The following MAP3K5 variants were observed in gnomAD, a reference collection of about 807,000 sequenced individuals.
MAP3K5 encodes the protein ASK-1.
Under a neutral mutation model 158.7 loss-of-function variants are expected in MAP3K5, and 56 were observed. That is an observed-to-expected ratio of 0.35 (90% confidence interval 0.28 to 0.44). The LOEUF (loss-of-function observed/expected upper bound fraction) is 0.44, where lower values mean the gene tolerates loss of function less well. Among genes scored for constraint, MAP3K5 ranks in the 20% least tolerant of loss-of-function variants. The probability of loss-of-function intolerance (pLI) is 1.00; values close to 1 mark genes in which losing one functional copy is unlikely to be tolerated. For missense variants in MAP3K5, 1,294 were observed against 1,674.8 expected, an observed-to-expected ratio of 0.77 and a Z score of 3.97; for synonymous variants, 579 against 601.7, an observed-to-expected ratio of 0.96 and a Z score of 0.55.
intron 2 of MAP3K5, among the ~76,000 whole-genome samples, chr6:136,707,560 G>C (rs12173453): frequency 4.1e-4 from 62 of 151,484 alleles, no homozygotes; most frequent in South Asian, 2.3e-3. Context: ...AGGTACTTGG[G>C]GGGGGGGGGA....
At chr6:136,563,866 T>C (rs1180714427) in intron 26 of MAP3K5, among the ~76,000 whole-genome samples, 4 of 152,232 alleles carry the variant, frequency 2.6e-5, no homozygotes, top group African/African-American at 9.6e-5. Context: ...TAACAAACTC[T>C]ATTTGTTTCA....
chr6:136,614,216 G>C lies in MAP3K5; in HGVS notation c.2221C>G (p.Leu741Val). 1 of 1,613,840 alleles carries C rather than the reference G, an allele frequency of 6.2e-7. No individual in the cohort carries two copies. The highest frequency in any genetic ancestry group is 8.5e-7 in the Non-Finnish European group (1 of 1,179,806). Reference sequence around the variant, plus strand: ...AAACCATTCTCACTGAAAGAGCCCAGATACTGGACAATATTTTTGTGCTTC... The same window carrying C: ...AAACCATTCTCACTGAAAGAGCCCACATACTGGACAATATTTTTGTGCTTC... Reference protein sequence around the residue: ...HLKHKNIVQYLGSFSENGFIK... With the variant: ...HLKHKNIVQYVGSFSENGFIK... Residue 741 changes from leucine (L) to valine (V), a missense_variant, in exon 16 of 30, where the codon CTG becomes GTG. Transcript: ENST00000359015.
intron 18 of MAP3K5, among the ~76,000 whole-genome samples, chr6:136,608,893 G>GCACCTGGGACTAACC (rs1217929288): frequency 6.6e-6 from 1 of 152,216 alleles, no homozygotes; most frequent in African/African-American, 2.4e-5. Context: ...TATTGACTGA[G>GCACCTGGGACTAACC]CACCTGGGAC....
At chr6:136,711,984 A>C (rs888353378) in intron 2 of MAP3K5, among the ~76,000 whole-genome samples, 2 of 152,078 alleles carry the variant, frequency 1.3e-5, no homozygotes, top group African/African-American at 4.8e-5. Flanking sequence ...TGTACCAAAA[A>C]TCAGGTTAAA....
At chr6:136,584,892 C>T (rs1052005304) in intron 23 of MAP3K5, among the ~76,000 whole-genome samples, 3 of 152,154 alleles carry the variant, frequency 2.0e-5, no homozygotes, top group African/African-American at 7.2e-5. Flanking sequence ...TGCGTGTCTA[C>T]CTATAACATG....
In MAP3K5 at chr6:136,609,820, C is replaced by A. The variant is rs1173733194; in HGVS notation, c.2521+1462G>T. On this transcript the variant is annotated intron_variant, in intron 18 of 29. Coordinates refer to ENST00000359015, the MANE Select transcript of MAP3K5 (RefSeq NM_005923.4). The surrounding 1 kb of genome is among the most constrained non-coding windows in gnomAD (Gnocchi z 4.4). ...AAAAGAAAAAACAAAAACAAAAAAA[C>A]AGTTTTGCCAGGCATGACATCCTAG... 1.3e-5 allele frequency among the ~76,000 whole-genome samples: 2 copies of A among 150,280 alleles called. No individual in the cohort carries two copies. Among genetic ancestry groups the A allele is most frequent in the Non-Finnish European group, 3.0e-5 (2 of 67,562 alleles).
rs115650189 is a variant in MAP3K5, at chr6:136,720,239, G to C, written c.588+211C>G. 7.0e-3 allele frequency among the ~76,000 whole-genome samples: 1,065 copies of C among 152,208 alleles called. 13 individuals are homozygous for C. The highest frequency in any genetic ancestry group is 0.024 in the African/African-American group (988 of 41,514). ...CCGCTACAACCATGACTGAAACTCA[G>C]AACTCAGTGTGAACTTTTTTCCTAC... On this transcript the variant is annotated intron_variant, in intron 2 of 29. Transcript: ENST00000359015.
At chr6:136,667,784 G>A (rs575993020) in intron 8 of MAP3K5, among the ~76,000 whole-genome samples, 3 of 151,638 alleles carry the variant, frequency 2.0e-5, no homozygotes, top group Non-Finnish European at 2.9e-5. Context: ...CTTGGGGGTC[G>A]AGGCTGCAGT....
intron 1 of MAP3K5, among the ~76,000 whole-genome samples, chr6:136,786,462 C>T (rs559232547): frequency 9.2e-5 from 14 of 151,566 alleles, no homozygotes; most frequent in African/African-American, 3.1e-4. Flanking sequence ...ATAGTATTGA[C>T]ATCTCTTAGC....
chr6:136,745,240 G>A (rs1782888015), intron 1 of MAP3K5, among the ~76,000 whole-genome samples: 1 of 147,564 alleles, frequency 6.8e-6, no homozygotes, highest in Non-Finnish European at 1.5e-5. Flanking sequence ...AATAGACGAA[G>A]ATGACTATTT....
At chr6:136,720,971 G>T (rs866500655) in intron 1 of MAP3K5, among the ~76,000 whole-genome samples, 1 of 152,036 alleles carries the variant, frequency 6.6e-6, no homozygotes, top group Non-Finnish European at 1.5e-5. Context: ...TAGAGACAGG[G>T]TCTTCCTATG....
intron 1 of MAP3K5, among the ~76,000 whole-genome samples, chr6:136,762,252 GGGAA>G (rs1470070434): frequency 6.6e-6 from 1 of 152,192 alleles, no homozygotes; most frequent in Non-Finnish European, 1.5e-5. Context: ...AGAGGTAAAT[GGGAA>G]GGGAGAGGGT....
At position 136,628,688 on chromosome 6, in the gene MAP3K5, A is replaced by T. The variant is rs541097223; in HGVS notation, c.2017-5707T>A. Reference sequence around the variant, plus strand: ...TAAAAGATTATGTATTAGATATAGAAGATTAGATATAGAAGCTGACTCCTG... The same window carrying T: ...TAAAAGATTATGTATTAGATATAGATGATTAGATATAGAAGCTGACTCCTG... On this transcript the variant is annotated intron_variant, in intron 14 of 29. Coordinates refer to ENST00000359015, the MANE Select transcript of MAP3K5 (RefSeq NM_005923.4). 4.5e-4 allele frequency among the ~76,000 whole-genome samples: 69 copies of T among 152,362 alleles called. 1 individual carries two copies. The highest frequency in any genetic ancestry group is 3.4e-3 in the Middle Eastern group (1 of 294).
At chr6:136,575,619 C>G (rs151254367) in intron 25 of MAP3K5, among the ~76,000 whole-genome samples, 174 of 152,282 alleles carry the variant, frequency 1.1e-3, no homozygotes, top group African/African-American at 4.0e-3. Context: ...TTATTTCTCA[C>G]GACCTTCACC....
chr6:136,761,544 A>G (rs1169176756), intron 1 of MAP3K5, among the ~76,000 whole-genome samples: 1 of 152,130 alleles, frequency 6.6e-6, no homozygotes, highest in African/African-American at 2.4e-5. Flanking sequence ...AAACTACAGA[A>G]CTTGAAAGGG....
At chr6:136,696,956 G>T (rs988717369) in intron 5 of MAP3K5, among the ~76,000 whole-genome samples, 39 of 152,368 alleles carry the variant, frequency 2.6e-4, no homozygotes, top group African/African-American at 8.9e-4. Flanking sequence ...CAGGTTCGCT[G>T]TGCCAGCAGA....
At position 136,734,145 on chromosome 6, in the gene MAP3K5, G is replaced by A. The variant is rs565595709; in HGVS notation, c.449-13556C>T. Reference sequence around the variant, plus strand: ...ATAAATAGAAATGGGGGCTGGGTGCGGTAGCTCACCTCACCGTAATCCCAG... The same window carrying A: ...ATAAATAGAAATGGGGGCTGGGTGCAGTAGCTCACCTCACCGTAATCCCAG... On this transcript the variant is annotated intron_variant, in intron 1 of 29. Transcript: ENST00000359015. 7.9e-5 allele frequency among the ~76,000 whole-genome samples: 12 copies of A among 152,164 alleles called. No homozygotes were observed. In the East Asian group the frequency reaches 1.7e-3, roughly 22 times the overall value.
intron 2 of MAP3K5, among the ~76,000 whole-genome samples, chr6:136,712,426 A>G (rs1036918775): frequency 2.6e-5 from 4 of 152,048 alleles, no homozygotes; most frequent in African/African-American, 9.7e-5. Context: ...CACCTGCCTC[A>G]GCCTCCCAAA....
chr6:136,678,733 T>C (rs1257430955), intron 7 of MAP3K5, among the ~76,000 whole-genome samples: 1 of 151,694 alleles, frequency 6.6e-6, no homozygotes, highest in East Asian at 1.9e-4. Flanking sequence ...AATAATTTTT[T>C]TTTTCTTCTT....
Sources: allele counts gnomAD v4.1 joint callset (sites outside exome capture counted in the v4.1 genomes callset), GRCh38; gene constraint gnomAD v4.1.1; non-coding constraint Gnocchi (gnomAD v3.1); transcripts MANE v1.5; gene names NCBI Gene and HGNC (gene_info 2026-07-23, HGNC 2026-07-21).